QRICH1: variants seen among roughly 807,000 people sequenced by gnomAD.
QRICH1 encodes the protein glutamine rich 1, also known as transcriptional regulator QRICH1.
In QRICH1, 16 loss-of-function variants were observed where a neutral mutation model predicts 87.1. That is an observed-to-expected ratio of 0.18 (90% confidence interval 0.12 to 0.28). QRICH1 has a LOEUF of 0.28. QRICH1 is among the 10% of genes least tolerant of loss of function. The pLI is 1.00. For missense variants in QRICH1, 647 were observed against 951.7 expected, an observed-to-expected ratio of 0.68 and a Z score of 4.21; for synonymous variants, 367 against 368.4, an observed-to-expected ratio of 1.00 and a Z score of 0.05.
chr3:49,078,249 T>A (rs1405791896), intron 1 of QRICH1, among the ~76,000 whole-genome samples: 5 of 152,180 alleles, frequency 3.3e-5, no homozygotes, highest in African/African-American at 9.6e-5. Context: ...AAACGTCTCC[T>A]TTCTTCTACC....
chr3:49,074,694 T>G (rs1180245648), intron 2 of QRICH1, among the ~76,000 whole-genome samples: 1 of 151,226 alleles, frequency 6.6e-6, no homozygotes, highest in Non-Finnish European at 1.5e-5. Flanking sequence ...GATCAAATAT[T>G]TGGGCCAGGC....
intron 2 of QRICH1, among the ~76,000 whole-genome samples, chr3:49,060,612 G>A (rs2093429261): frequency 6.6e-6 from 1 of 152,172 alleles, no homozygotes; most frequent in East Asian, 1.9e-4. Context: ...TTATAGGCGT[G>A]AGCCACCATA....
chr3:49,033,075 T>A (rs376655903), intron 7 of QRICH1, 45 bp downstream of exon 7: 3 of 1,353,486 alleles, frequency 2.2e-6, no homozygotes, highest in South Asian at 1.6e-5. Context: ...GCTTCCACAC[T>A]CTTCACTGGA....
intron 2 of QRICH1, among the ~76,000 whole-genome samples, chr3:49,074,516 G>C (rs2041910228): frequency 1.3e-5 from 2 of 151,740 alleles, no homozygotes; most frequent in Admixed American, 1.3e-4. Flanking sequence ...AGCTTGCAGA[G>C]AGCCAAGGTC....
intron 2 of QRICH1, among the ~76,000 whole-genome samples, chr3:49,067,336 G>A (rs1056990206): frequency 2.0e-5 from 3 of 152,048 alleles, no homozygotes; most frequent in Non-Finnish European, 4.4e-5. Context: ...GGGAGGCCAA[G>A]GTAGGCAGAT....
rs1264679682 is a variant in QRICH1 at position 49,046,477 on chromosome 3, C to T, written c.1619G>A (p.Gly540Asp). The change falls in exon 5 of 10, where the codon GGT (glycine) becomes GAT (aspartate). Residue 540 changes from glycine (G) to aspartate (D), a missense_variant. Gly to Asp is a moderately conservative substitution (Grantham distance 94). Transcript: ENST00000395443. ...GAGCACATCTGGGTCATAGGGTTCA[C>T]CTTCTCCATTTCGAGCTTCCCGTGT... Reference protein sequence around the residue: ...LMTREARNGEGEPYDPDVLYY... With the variant: ...LMTREARNGEDEPYDPDVLYY... 4.3e-6 allele frequency: 7 copies of T among 1,614,054 alleles called. No homozygotes were observed. Among genetic ancestry groups the T allele is most frequent in the Non-Finnish European group, 5.9e-6 (7 of 1,180,040 alleles).
chr3:49,079,326 G>A (rs982785607), intron 1 of QRICH1, among the ~76,000 whole-genome samples: 11 of 151,856 alleles, frequency 7.2e-5, no homozygotes, highest in African/African-American at 2.2e-4. Flanking sequence ...GGAGGCTGAG[G>A]TGGAGGATTG....
At chr3:49,093,695 A>C in intron 1 of QRICH1, 7 of 221,118 alleles carry the variant, frequency 3.2e-5, no homozygotes, top group East Asian at 9.1e-5. Flanking sequence ...CCGGCGCGCC[A>C]TCTCGCGCCG....
Position 49,044,252 on chromosome 3 carries a change from A to G in QRICH1, c.1786+138T>C, listed in dbSNP as rs1016000306. 1.7e-5 allele frequency: 12 copies of G among 692,508 alleles called. No homozygotes were observed. The African/African-American group carries it at 1.9e-4, about 11-fold the overall frequency. 42.9% of individuals were successfully genotyped at this position (692,508 alleles called of 1,614,324 possible). A position where few individuals can be genotyped will look rare whatever the true frequency, so the allele number is the denominator to read the frequency against. The stretch of plus-strand genomic sequence containing the variant: ...GTGCCTCTTCCCTATCAGGGCAAGT[A>G]GCACAGTGGCCAATGCTGCTGCAGT... On this transcript the variant is annotated intron_variant, in intron 6 of 9. Coordinates refer to ENST00000395443, the MANE Select transcript of QRICH1 (RefSeq NM_198880.3).
At chr3:49,044,630 G>A in intron 5 of QRICH1, 126 bp from the exon 6 acceptor site, 2 of 621,340 alleles carry the variant, frequency 3.2e-6, no homozygotes, top group Non-Finnish European at 5.6e-6. Context: ...ACAAACCAAG[G>A]CACCAGCATG....
At chr3:49,056,165 G>C (rs536910120) in intron 3 of QRICH1, among the ~76,000 whole-genome samples, 1 of 151,960 alleles carries the variant, frequency 6.6e-6, no homozygotes, top group Non-Finnish European at 1.5e-5. Context: ...TAGTAGAGAC[G>C]TGGTTTCATC....
In QRICH1 at chr3:49,056,783, G is replaced by C. The variant is rs767676255; in HGVS notation, c.1338+79C>G. The C allele has an allele frequency of 1.9e-6, 3 of 1,600,454 alleles. No individual in the cohort carries two copies. The African/African-American group carries it at 4.0e-5, about 21-fold the overall frequency. On this transcript the variant is annotated intron_variant, in intron 3 of 9. Transcript: ENST00000395443. Reference sequence around the variant, plus strand: ...AAGAGTAACAGCAGTAAATAAGCCAGAGGTTGCGAGGCAAGCTCTGTGCTG... The same window carrying C: ...AAGAGTAACAGCAGTAAATAAGCCACAGGTTGCGAGGCAAGCTCTGTGCTG...
chr3:49,056,767 A>C (rs1205945075), intron 3 of QRICH1, 95 bp downstream of exon 3: 1 of 1,557,246 alleles, frequency 6.4e-7, no homozygotes, highest in South Asian at 1.1e-5. Flanking sequence ...TAAGAGTAAC[A>C]GCAGTAAATA....
chr3:49,032,365 A>G, intron 8 of QRICH1, 92 bp from the exon 9 acceptor site: 2 of 923,908 alleles, frequency 2.2e-6, no homozygotes, highest in Non-Finnish European at 1.7e-6. Flanking sequence ...CAGCCAGCCC[A>G]ACTAGGAAAT....
At position 49,093,958 on chromosome 3, in the gene QRICH1, C is replaced by T; in HGVS notation, c.-68G>A. The T allele has an allele frequency of 2.5e-6, 1 of 404,414 alleles. No individual in the cohort carries two copies. Among genetic ancestry groups the T allele is most frequent in the Non-Finnish European group, 4.3e-6 (1 of 231,320 alleles). The allele number at this position is 404,414 out of a possible 1,614,324, so 25.1% of individuals were successfully genotyped here. On this transcript the variant is annotated 5_prime_UTR_variant, in exon 1 of 10. Transcript: ENST00000395443. ...CCGCCGCCGCCTCCGCTGCACCCGC[C>T]GGCCCCGCCGCACCGCCAGGGACCC... is the stretch of plus-strand genomic sequence containing the variant.
chr3:49,064,095 T>C (rs573081416), intron 2 of QRICH1, among the ~76,000 whole-genome samples: 3 of 151,790 alleles, frequency 2.0e-5, no homozygotes, highest in Non-Finnish European at 2.9e-5. Flanking sequence ...TGTTGTTTTT[T>C]GTTTTTTATA....
At chr3:49,081,145 G>A (rs529130876) in intron 1 of QRICH1, among the ~76,000 whole-genome samples, 7 of 152,054 alleles carry the variant, frequency 4.6e-5, no homozygotes, top group Non-Finnish European at 7.4e-5. Flanking sequence ...GGCCAGGTGC[G>A]GTGGCTCAGG....
intron 3 of QRICH1, among the ~76,000 whole-genome samples, chr3:49,052,206 T>C (rs945418865): frequency 1.3e-5 from 2 of 152,060 alleles, no homozygotes; most frequent in African/African-American, 4.8e-5. Context: ...ATGAACTGGT[T>C]GTGGGGAGTA....
intron 1 of QRICH1, among the ~76,000 whole-genome samples, chr3:49,083,788 G>A (rs1020290566): frequency 6.6e-6 from 1 of 151,842 alleles, no homozygotes; most frequent in Non-Finnish European, 1.5e-5. Flanking sequence ...AATTAGCCAG[G>A]TGTGGTGCTG....
Sources: allele counts gnomAD v4.1 joint callset (sites outside exome capture counted in the v4.1 genomes callset), GRCh38; gene constraint gnomAD v4.1.1; transcripts MANE v1.5; gene names NCBI Gene and HGNC (gene_info 2026-07-23, HGNC 2026-07-21).